The following NOS1 variants were observed in gnomAD, a reference collection of about 807,000 sequenced individuals.
NOS1 encodes nitric oxide synthase 1.
Under a neutral mutation model 164.5 loss-of-function variants are expected in NOS1, and 51 were observed. The ratio of observed to expected loss-of-function variants is 0.31; its 90% confidence interval spans 0.25 to 0.39. The LOEUF (loss-of-function observed/expected upper bound fraction) is 0.39, where lower values mean the gene tolerates loss of function less well. NOS1 is among the 10% of genes least tolerant of loss of function. The pLI is 1.00. For missense variants in NOS1, 1,362 were observed against 1,885.6 expected (o/e 0.72, Z 5.14); for synonymous variants, 719 against 745.8 (o/e 0.96, Z 0.59).
chr12:117,294,443 C>T (rs948710805), intron 3 of NOS1, among the ~76,000 whole-genome samples: 2 of 152,118 alleles, frequency 1.3e-5, no homozygotes, highest in Non-Finnish European at 2.9e-5. Flanking sequence ...TGCCCGAGTG[C>T]GAGCCGTGCC....
intron 2 of NOS1, among the ~76,000 whole-genome samples, chr12:117,324,683 T>C (rs1875153734): frequency 6.7e-6 from 1 of 148,982 alleles, no homozygotes; most frequent in Non-Finnish European, 1.5e-5. Flanking sequence ...GCCACTGCAC[T>C]CCAGCCTGGG....
At chr12:117,230,733 T>C (rs1296396150) in intron 22 of NOS1, among the ~76,000 whole-genome samples, 1 of 152,208 alleles carries the variant, frequency 6.6e-6, no homozygotes, top group Non-Finnish European at 1.5e-5. Flanking sequence ...TGGTTCATTT[T>C]ACAATCAGAG....
chr12:117,233,805 T>C (rs1414381899), intron 21 of NOS1, among the ~76,000 whole-genome samples: 2 of 112,884 alleles, frequency 1.8e-5, no homozygotes, highest in Non-Finnish European at 3.4e-5. Context: ...CAAAAGTCTG[T>C]CTCAAAAAAA....
At position 117,211,266 on chromosome 12, in the gene NOS1, G is replaced by A. The variant is rs892533890; in HGVS notation, c.*4043C>T. On this transcript the variant is annotated 3_prime_UTR_variant, in exon 29 of 29. Coordinates refer to ENST00000317775, the MANE Select transcript of NOS1 (RefSeq NM_000620.5). Reference sequence around the variant, plus strand: ...AGCTACCGCGCCCAGCCTGCAAGATGCTTTAATTTCTCCTTTATTCTCACC... The same window carrying A: ...AGCTACCGCGCCCAGCCTGCAAGATACTTTAATTTCTCCTTTATTCTCACC... 8.1e-6 allele frequency: 8 copies of A among 985,174 alleles called. No homozygotes were observed. Among genetic ancestry groups the A allele is most frequent in the African/African-American group, 1.7e-5 (1 of 57,156 alleles). 61.0% of individuals were successfully genotyped at this position (985,174 alleles called of 1,614,324 possible).
At position 117,243,743 on chromosome 12, in the gene NOS1, TCCATCCATCCAC is replaced by T. The variant is rs942766750; in HGVS notation, c.2824-320_2824-309del. ...ATCCATGTATCTATCTTTCCATCCA[TCCATCCATCCAC>T]CCATCCATCCACCCACCCACCCATC... On this transcript the variant is annotated intron_variant, in intron 18 of 28. Transcript: ENST00000317775. This position sits in a 1 kb window ranked among gnomAD's most constrained non-coding sequence, Gnocchi z 4.3. Among the ~76,000 whole-genome samples the T allele has an allele frequency of 7.2e-5, 11 of 151,972 alleles. No homozygotes were observed. The highest frequency in any genetic ancestry group is 2.1e-4 in the South Asian group (1 of 4,794).
At chr12:117,318,792 C>T (rs372830249) in intron 2 of NOS1, among the ~76,000 whole-genome samples, 6 of 152,274 alleles carry the variant, frequency 3.9e-5, no homozygotes, top group South Asian at 2.1e-4. Flanking sequence ...ACAAGGAGGC[C>T]GCCGAGGAGC....
rs1255086731 is a variant in NOS1, at chr12:117,243,089, G to A, written c.2962+208C>T. 6.6e-6 allele frequency among the ~76,000 whole-genome samples: 1 copy of A among 152,174 alleles called. No homozygotes were observed. On this transcript the variant is annotated intron_variant, in intron 19 of 28. Transcript: ENST00000317775. This position sits in a 1 kb window ranked among gnomAD's most constrained non-coding sequence, Gnocchi z 4.3. ...GAAGAGGATGGTTTGGAAGAACACA[G>A]TACATTACTAGAGAGAGAGAGGGAA...
At chr12:117,253,063 G>A (rs1246647954) in intron 17 of NOS1, among the ~76,000 whole-genome samples, 2 of 152,210 alleles carry the variant, frequency 1.3e-5, no homozygotes, top group Non-Finnish European at 2.9e-5. Context: ...TACGCCATGA[G>A]ATAATGTGAG....
intron 3 of NOS1, among the ~76,000 whole-genome samples, chr12:117,306,255 G>C (rs947069637): frequency 2.0e-5 from 3 of 152,096 alleles, no homozygotes; most frequent in African/African-American, 7.2e-5. Context: ...GGAAGATTCA[G>C]TCTTACCCCC....
At chr12:117,254,754 C>T (rs1442864502) in intron 16 of NOS1, among the ~76,000 whole-genome samples, 1 of 152,174 alleles carries the variant, frequency 6.6e-6, no homozygotes, top group Non-Finnish European at 1.5e-5. Context: ...ATTTCAGGGG[C>T]TCCGGAGCCA....
chr12:117,272,689 TGCTTCA>T lies in NOS1; in HGVS notation c.1665-136_1665-131del. The T allele has an allele frequency of 1.2e-6, 1 of 813,174 alleles. No homozygotes were observed. The highest frequency in any genetic ancestry group is 2.7e-5 in the East Asian group (1 of 36,772). The allele number at this position is 813,174 out of a possible 1,614,324, so 50.4% of individuals were successfully genotyped here. Reference sequence around the variant, plus strand: ...AGGTCAGAATATGGTTCCTGGGCCCTGCTTCAGATCTGTGGAATTGCAGGTTCTGCA... The same window carrying T: ...AGGTCAGAATATGGTTCCTGGGCCCTGATCTGTGGAATTGCAGGTTCTGCA... On this transcript the variant is annotated intron_variant, in intron 9 of 28. Coordinates refer to ENST00000317775, the MANE Select transcript of NOS1 (RefSeq NM_000620.5). This position sits in a 1 kb window ranked among gnomAD's most constrained non-coding sequence, Gnocchi z 4.3.
chr12:117,301,356 C>T (rs1370101805), intron 3 of NOS1, among the ~76,000 whole-genome samples: 1 of 152,142 alleles, frequency 6.6e-6, no homozygotes, highest in Non-Finnish European at 1.5e-5. Context: ...CTCAAATTCC[C>T]GACCTAAAGT....
chr12:117,238,019 G>A (rs1566033738), intron 20 of NOS1, among the ~76,000 whole-genome samples: 1 of 152,152 alleles, frequency 6.6e-6, no homozygotes, highest in East Asian at 1.9e-4. Flanking sequence ...CCAGGGATGG[G>A]GAAGAGCACG....
chr12:117,328,468 G>A (rs746574050), intron 2 of NOS1, among the ~76,000 whole-genome samples: 2 of 152,072 alleles, frequency 1.3e-5, no homozygotes, highest in African/African-American at 2.4e-5. Context: ...CTTGCCTGGC[G>A]GTATTTAAAT....
At chr12:117,325,142 T>C (rs892552311) in intron 2 of NOS1, among the ~76,000 whole-genome samples, 1 of 151,762 alleles carries the variant, frequency 6.6e-6, no homozygotes, top group Non-Finnish European at 1.5e-5. Context: ...AGTCAGTGGG[T>C]TTTCTTGGGC....
chr12:117,272,583 C>CAGGTG lies in NOS1; in HGVS notation c.1665-25_1665-24insCACCT. ...ACCTGCAGGGAGCAACAGGGCCCAG[C>CAGGTG]TCACCCGGAGCAGGTGTCTCATGGG... On this transcript the variant is annotated intron_variant, in intron 9 of 28. Transcript: ENST00000317775. This position sits in a 1 kb window ranked among gnomAD's most constrained non-coding sequence, Gnocchi z 4.3. 6.2e-7 allele frequency: 1 copy of CAGGTG among 1,605,940 alleles called. No homozygotes were observed. The highest frequency in any genetic ancestry group is 8.5e-7 in the Non-Finnish European group (1 of 1,176,228).
intron 26 of NOS1, among the ~76,000 whole-genome samples, chr12:117,221,550 C>T (rs1222201925): frequency 6.6e-6 from 1 of 152,082 alleles, no homozygotes. Flanking sequence ...TCCCAAAGTG[C>T]TGGGATTACA....
intron 17 of NOS1, among the ~76,000 whole-genome samples, chr12:117,252,828 C>T (rs1051381649): frequency 6.6e-5 from 10 of 152,308 alleles, no homozygotes; most frequent in Admixed American, 1.3e-4. Context: ...TGAGTAATTA[C>T]GGAGAAGGCT....
intron 3 of NOS1, among the ~76,000 whole-genome samples, chr12:117,308,569 C>T (rs919883529): frequency 2.6e-5 from 4 of 151,290 alleles, no homozygotes; most frequent in East Asian, 1.9e-4. Flanking sequence ...AAAAAAACAG[C>T]GTATAGGCGC....
Sources: allele counts gnomAD v4.1 joint callset (sites outside exome capture counted in the v4.1 genomes callset), GRCh38; gene constraint gnomAD v4.1.1; non-coding constraint Gnocchi (gnomAD v3.1); transcripts MANE v1.5; gene names NCBI Gene and HGNC (gene_info 2026-07-23, HGNC 2026-07-21).